ROBO2: variants seen among roughly 807,000 people sequenced by gnomAD.
ROBO2 encodes the protein roundabout guidance receptor 2.
In ROBO2, 53 loss-of-function variants were observed where a neutral mutation model predicts 160.8. That is an observed-to-expected ratio of 0.33 (90% CI 0.26 to 0.41). ROBO2 has a LOEUF of 0.41. ROBO2 is among the 10% of genes least tolerant of loss of function. The pLI is 1.00. For synonymous variants in ROBO2, 664 were observed against 611.7 expected (o/e 1.09, Z -1.26); for missense variants, 1,577 against 1,722.4 (o/e 0.92, Z 1.49).
At chr3:76,888,518 C>A (rs1201321124) in intron 2 of ROBO2, among the ~76,000 whole-genome samples, 1 of 152,146 alleles carries the variant, frequency 6.6e-6, no homozygotes, top group African/African-American at 2.4e-5. Flanking sequence ...GCATGAAAAT[C>A]AAATTAAAAT....
chr3:77,364,850 T>G (rs1293404660), intron 2 of ROBO2, among the ~76,000 whole-genome samples: 2 of 152,070 alleles, frequency 1.3e-5, no homozygotes, highest in Non-Finnish European at 2.9e-5. Context: ...AGGAGAAAAG[T>G]TTTAATTCAT....
intron 2 of ROBO2, among the ~76,000 whole-genome samples, chr3:75,985,423 G>T (rs1488347969): frequency 2.0e-5 from 3 of 151,562 alleles, no homozygotes; most frequent in African/African-American, 7.2e-5. Flanking sequence ...ATAGACAATT[G>T]TAAGACAGTG....
intron 2 of ROBO2, among the ~76,000 whole-genome samples, chr3:76,625,819 T>A (rs2089601979): frequency 6.6e-6 from 1 of 152,174 alleles, no homozygotes; most frequent in African/African-American, 2.4e-5. Flanking sequence ...CCTTTGGTTC[T>A]TACTCAGGGA....
At chr3:77,354,242 AT>A (rs906732770) in intron 2 of ROBO2, among the ~76,000 whole-genome samples, 7 of 151,702 alleles carry the variant, frequency 4.6e-5, no homozygotes, top group African/African-American at 7.3e-5. Flanking sequence ...GACAATTACA[AT>A]TTTTTTTTCT....
At chr3:77,049,775 T>C (rs1329843542) in intron 1 of ROBO2, among the ~76,000 whole-genome samples, 3 of 152,338 alleles carry the variant, frequency 2.0e-5, no homozygotes, top group Admixed American at 6.5e-5. Context: ...CTGGAGAACA[T>C]GGAATATAAC....
intron 23 of ROBO2, among the ~76,000 whole-genome samples, chr3:77,624,189 G>A (rs1188006585): frequency 2.6e-5 from 4 of 152,168 alleles, no homozygotes; most frequent in Non-Finnish European, 5.9e-5. Context: ...AGTAAAAGAA[G>A]TTGTGTTCTA....
intron 2 of ROBO2, among the ~76,000 whole-genome samples, chr3:76,499,761 G>A (rs2080358818): frequency 6.6e-6 from 1 of 152,074 alleles, no homozygotes; most frequent in Admixed American, 6.6e-5. Flanking sequence ...TATATCAATG[G>A]AGAGAAACAA....
intron 2 of ROBO2, among the ~76,000 whole-genome samples, chr3:76,584,173 A>G (rs892326171): frequency 1.3e-5 from 2 of 152,024 alleles, no homozygotes; most frequent in Non-Finnish European, 2.9e-5. Flanking sequence ...TCCCTTCCAT[A>G]AGATCTTCAG....
intron 2 of ROBO2, among the ~76,000 whole-genome samples, chr3:76,470,072 T>C (rs1005084913): frequency 6.6e-6 from 1 of 152,160 alleles, no homozygotes; most frequent in African/African-American, 2.4e-5. Context: ...AGATTGTATG[T>C]CTTATTATCT....
chr3:76,786,313 A>G (rs1224323126), intron 2 of ROBO2, among the ~76,000 whole-genome samples: 2 of 151,424 alleles, frequency 1.3e-5, no homozygotes, highest in East Asian at 2.0e-4. Context: ...CACTATAAAG[A>G]TGTACCTGAG....
At chr3:76,100,611 G>A (rs1040212285) in intron 2 of ROBO2, among the ~76,000 whole-genome samples, 6 of 152,092 alleles carry the variant, frequency 3.9e-5, no homozygotes, top group African/African-American at 1.2e-4. Flanking sequence ...GGGATATTAA[G>A]GAAAATATAA....
At chr3:76,901,132 T>A (rs771038130) in intron 2 of ROBO2, among the ~76,000 whole-genome samples, 30 of 152,140 alleles carry the variant, frequency 2.0e-4, no homozygotes, top group Non-Finnish European at 3.5e-4. Context: ...AGGGTTAGTA[T>A]GGGTCCTGTC....
At chr3:76,881,491 A>T (rs563469208) in intron 2 of ROBO2, among the ~76,000 whole-genome samples, 2 of 152,324 alleles carry the variant, frequency 1.3e-5, no homozygotes, top group South Asian at 2.1e-4. Flanking sequence ...CATCTGCTAC[A>T]TTGCATTGTC....
chr3:76,276,307 G>A (rs1394069767), intron 2 of ROBO2, among the ~76,000 whole-genome samples: 1 of 151,956 alleles, frequency 6.6e-6, no homozygotes, highest in Non-Finnish European at 1.5e-5. Context: ...TGTCCAATAT[G>A]ATAGATATTA....
At chr3:76,172,531 A>G (rs2073082469) in intron 2 of ROBO2, among the ~76,000 whole-genome samples, 1 of 151,968 alleles carries the variant, frequency 6.6e-6, no homozygotes, top group South Asian at 2.1e-4. Flanking sequence ...TTGAACAGAC[A>G]AACCAACGCT....
chr3:77,365,861 G>T (rs2070785083), intron 2 of ROBO2, among the ~76,000 whole-genome samples: 1 of 151,996 alleles, frequency 6.6e-6, no homozygotes, highest in South Asian at 2.1e-4. Flanking sequence ...AATATTACAT[G>T]GTGTATTTCA....
At chr3:76,965,193 C>T (rs757990765) in intron 2 of ROBO2, among the ~76,000 whole-genome samples, 1 of 152,112 alleles carries the variant, frequency 6.6e-6, no homozygotes, top group Admixed American at 6.6e-5. Context: ...AGGCTAAAGC[C>T]GCTCATCTTC....
chr3:77,431,216 A>G (rs554481577), intron 2 of ROBO2, among the ~76,000 whole-genome samples: 1 of 152,274 alleles, frequency 6.6e-6, no homozygotes, highest in Admixed American at 6.5e-5. Flanking sequence ...TGATACCCTC[A>G]ATTACAATGT....
At position 76,730,053 on chromosome 3, in the gene ROBO2, C is replaced by T. The variant is rs148951252; in HGVS notation, c.110-367961C>T. 3.2e-3 allele frequency among the ~76,000 whole-genome samples: 487 copies of T among 152,220 alleles called. 4 individuals carry two copies. The highest frequency in any genetic ancestry group is 0.014 in the Middle Eastern group (4 of 294). On this transcript the variant is annotated intron_variant, in intron 2 of 26. Coordinates refer to the ROBO2 transcript ENST00000487694. ...AAACAAATATTTTGAAAAGCATCAA[C>T]GTTTGTCTTCACCATCTATTAGTAT...
Sources: gnomAD v4.1 joint callset for allele counts (sites outside exome capture counted in the v4.1 genomes callset) on GRCh38, gnomAD v4.1.1 for gene constraint, MANE v1.5 for transcripts, NCBI Gene and HGNC (gene_info 2026-07-23, HGNC 2026-07-21) for gene names.